CUEDC2: variants seen among roughly 807,000 people sequenced by gnomAD.
CUEDC2 encodes CUE domain containing 2.
Under a neutral mutation model 36.0 loss-of-function variants are expected in CUEDC2, and 10 were observed. The observed-to-expected ratio is 0.28, with a 90% confidence interval of 0.17 to 0.47. CUEDC2 has a LOEUF of 0.47. CUEDC2 is among the 20% of genes least tolerant of loss of function. CUEDC2 has a pLI of 0.99. For synonymous variants in CUEDC2, 133 were observed against 141.8 expected, an observed-to-expected ratio of 0.94 and a Z score of 0.44; for missense variants, 269 against 368.1, an observed-to-expected ratio of 0.73 and a Z score of 2.20.
chr10:102,424,179 C>T lies in CUEDC2; in HGVS notation c.412-1G>A. On this transcript the variant is annotated splice_acceptor_variant, in intron 5 of 8. Transcript: ENST00000369937. LOFTEE classifies it high-confidence loss of function. The surrounding 1 kb of genome is among the most constrained non-coding windows in gnomAD (Gnocchi z 4.2). Reference sequence around the variant, plus strand: ...GAAGCTCCTCCTCAGCGCCAGTTGCCTAAGGGTACAAACGTTAACAAGAGG... The same window carrying T: ...GAAGCTCCTCCTCAGCGCCAGTTGCTTAAGGGTACAAACGTTAACAAGAGG... 6.2e-7 allele frequency: 1 copy of T among 1,613,736 alleles called. No homozygotes were observed. Among genetic ancestry groups the T allele is most frequent in the African/African-American group, 1.3e-5 (1 of 75,018 alleles).
Position 102,424,868 on chromosome 10 carries a change from A to G in CUEDC2, c.75-76T>C. 6.7e-7 allele frequency: 1 copy of G among 1,497,208 alleles called. No homozygotes were observed. Among genetic ancestry groups the G allele is most frequent in the Non-Finnish European group, 9.1e-7 (1 of 1,096,446 alleles). 92.7% of individuals were successfully genotyped at this position (1,497,208 alleles called of 1,614,324 possible). ...GCACCCCCACCTATCCTGAGACTCCAGCCCTCAGCTTCATGGGGTCTATGA... is the reference window on the plus strand; with the variant it reads ...GCACCCCCACCTATCCTGAGACTCCGGCCCTCAGCTTCATGGGGTCTATGA... On this transcript the variant is annotated intron_variant, in intron 2 of 8. Coordinates refer to ENST00000369937, the MANE Select transcript of CUEDC2 (RefSeq NM_024040.3). The surrounding 1 kb of genome is among the most constrained non-coding windows in gnomAD (Gnocchi z 4.2).
Position 102,423,255 on chromosome 10 carries a change from G to T in CUEDC2, c.*171C>A. 1 of 881,010 alleles carries T rather than the reference G, an allele frequency of 1.1e-6. No homozygotes were observed. The highest frequency in any genetic ancestry group is 1.8e-6 in the Non-Finnish European group (1 of 569,948). The allele number at this position is 881,010 out of a possible 1,614,324, so 54.6% of individuals were successfully genotyped here. On this transcript the variant is annotated 3_prime_UTR_variant, in exon 9 of 9. Transcript: ENST00000369937. The surrounding 1 kb of genome is among the most constrained non-coding windows in gnomAD (Gnocchi z 5.6). ...ACCAGAATGCACTCACACCTTCCTTGGGCCACCTTTACTGTGCCCATGGAG... is the reference window on the plus strand; with the variant it reads ...ACCAGAATGCACTCACACCTTCCTTTGGCCACCTTTACTGTGCCCATGGAG...
intron 1 of CUEDC2, among the ~76,000 whole-genome samples, chr10:102,426,330 C>T (rs563016316): frequency 9.9e-5 from 15 of 152,252 alleles, no homozygotes; most frequent in African/African-American, 3.6e-4. Context: ...GGTCCAAATG[C>T]CAGCTCATCA....
chr10:102,424,880 C>T lies in CUEDC2; in HGVS notation c.75-88G>A. 3.5e-6 allele frequency: 5 copies of T among 1,411,116 alleles called. No individual in the cohort carries two copies. The highest frequency in any genetic ancestry group is 4.9e-6 in the Non-Finnish European group (5 of 1,024,740). The allele number at this position is 1,411,116 out of a possible 1,614,324, so 87.4% of individuals were successfully genotyped here. ...ATCCTGAGACTCCAGCCCTCAGCTT[C>T]ATGGGGTCTATGAGCTAGACCTTTA... is the stretch of plus-strand genomic sequence containing the variant. On this transcript the variant is annotated intron_variant, in intron 2 of 8. Coordinates refer to ENST00000369937, the MANE Select transcript of CUEDC2 (RefSeq NM_024040.3). The surrounding 1 kb of genome is among the most constrained non-coding windows in gnomAD (Gnocchi z 4.2).
At chr10:102,428,130 A>G (rs1057506609) in intron 1 of CUEDC2, among the ~76,000 whole-genome samples, 55 of 152,108 alleles carry the variant, frequency 3.6e-4, no homozygotes, top group African/African-American at 1.3e-3. Flanking sequence ...TAGTAGAGAC[A>G]GGGTTTCACC....
chr10:102,427,266 T>TGCA (rs1351365059), intron 1 of CUEDC2, among the ~76,000 whole-genome samples: 1 of 152,126 alleles, frequency 6.6e-6, no homozygotes, highest in Non-Finnish European at 1.5e-5. Flanking sequence ...TCCTTCTCAC[T>TGCA]GCAGCGCTCT....
chr10:102,429,984 G>C (rs1249740942), intron 1 of CUEDC2, among the ~76,000 whole-genome samples: 1 of 151,234 alleles, frequency 6.6e-6, no homozygotes, highest in African/African-American at 2.4e-5. Flanking sequence ...ATTTTTGGTA[G>C]AGACGGGGTT....
In CUEDC2 at chr10:102,423,922, G is replaced by A; in HGVS notation, c.595-63C>T. The A allele has an allele frequency of 6.2e-7, 1 of 1,601,438 alleles. No individual in the cohort carries two copies. Among genetic ancestry groups the A allele is most frequent in the Non-Finnish European group, 8.5e-7 (1 of 1,173,370 alleles). ...CCAGCAGGGGAAACAGATGGGGATAGGTAGGGGTTGGGGCTTAACACCAAG... is the reference window on the plus strand; with the variant it reads ...CCAGCAGGGGAAACAGATGGGGATAAGTAGGGGTTGGGGCTTAACACCAAG... On this transcript the variant is annotated intron_variant, in intron 6 of 8. Coordinates refer to ENST00000369937, the MANE Select transcript of CUEDC2 (RefSeq NM_024040.3). The surrounding 1 kb of genome is among the most constrained non-coding windows in gnomAD (Gnocchi z 5.6).
chr10:102,430,139 TTTTTTAATTTTA>T, intron 1 of CUEDC2, among the ~76,000 whole-genome samples: 1 of 106,602 alleles, frequency 9.4e-6, no homozygotes. Context: ...TTCTTTTTTT[TTTTTTAATTTTA>T]TTTATTTATT....
chr10:102,425,636 C>T (rs1024183090), intron 1 of CUEDC2, among the ~76,000 whole-genome samples: 2 of 151,922 alleles, frequency 1.3e-5, no homozygotes, highest in African/African-American at 4.8e-5. Flanking sequence ...ACAGCCCTTC[C>T]CCCACCCAGA....
intron 1 of CUEDC2, among the ~76,000 whole-genome samples, chr10:102,426,861 T>C (rs1464739467): frequency 6.6e-6 from 1 of 151,348 alleles, no homozygotes; most frequent in African/African-American, 2.4e-5. Flanking sequence ...GAGTCCAGGG[T>C]TCGAGACCCA....
At chr10:102,425,282 G>T in intron 1 of CUEDC2, 84 bp from the exon 2 acceptor site, 1 of 929,606 alleles carries the variant, frequency 1.1e-6, no homozygotes, top group Non-Finnish European at 1.7e-6. Context: ...CCTCCCTCCT[G>T]GCCTGCTATG....
Position 102,425,132 on chromosome 10 carries a change from G to A in CUEDC2, c.57C>T (p.Leu19=), listed in dbSNP as rs1448598112. 6.2e-7 allele frequency: 1 copy of A among 1,613,854 alleles called. No individual in the cohort carries two copies. The highest frequency in any genetic ancestry group is 1.1e-5 in the South Asian group (1 of 91,080). The change falls in exon 2 of 9, where the codon CTC becomes CTT. Residue 19 remains leucine, a synonymous_variant. Coordinates refer to ENST00000369937, the MANE Select transcript of CUEDC2 (RefSeq NM_024040.3). ...AALLAFVQTH[L]PEADLSGLDE... ...GTCTCTACCTGAGGTCGGCCTCCGG[G>A]AGGTGTGTCTGGACAAAGGCAAGGA...
chr10:102,427,198 C>T (rs1057028043), intron 1 of CUEDC2, among the ~76,000 whole-genome samples: 3 of 152,166 alleles, frequency 2.0e-5, no homozygotes, highest in Non-Finnish European at 2.9e-5. Flanking sequence ...GGCCCTTTCT[C>T]TGTCCCCTTC....
intron 1 of CUEDC2, among the ~76,000 whole-genome samples, chr10:102,430,360 G>T (rs1034485812): frequency 6.6e-6 from 1 of 151,112 alleles, no homozygotes; most frequent in African/African-American, 2.4e-5. Flanking sequence ...GTAGAGACAG[G>T]GTTTCTCCAT....
In CUEDC2 at chr10:102,423,574, T is replaced by G; in HGVS notation, c.718-2A>C. The G allele has an allele frequency of 6.2e-7, 1 of 1,614,188 alleles. No homozygotes were observed. The highest frequency in any genetic ancestry group is 8.5e-7 in the Non-Finnish European group (1 of 1,180,032). ...GTATCGGATCAGCTTCTTGGGGGCC[T>G]GTCAGGCAATCAGCAGTGAGTGGCA... On this transcript the variant is annotated splice_acceptor_variant, in intron 8 of 8. Transcript: ENST00000369937. LOFTEE classifies it high-confidence loss of function. The surrounding 1 kb of genome is among the most constrained non-coding windows in gnomAD (Gnocchi z 5.6).
chr10:102,432,554 G>A lies in CUEDC2; in HGVS notation c.-39C>T, dbSNP rs1462932871. On this transcript the variant is annotated 5_prime_UTR_variant, in exon 1 of 9. Transcript: ENST00000369937. ...CTCCGTCGGGCGCCGCCGGCGACTT[G>A]TCCCGCGCGGTGCAGCTCTCATCCC... 6.6e-6 allele frequency: 1 copy of A among 152,366 alleles called. No homozygotes were observed. Among genetic ancestry groups the A allele is most frequent in the Non-Finnish European group, 1.5e-5 (1 of 68,156 alleles). 9.4% of individuals were successfully genotyped at this position (152,366 alleles called of 1,614,324 possible).
intron 1 of CUEDC2, among the ~76,000 whole-genome samples, chr10:102,427,510 C>G (rs2061601530): frequency 6.6e-6 from 1 of 152,210 alleles, no homozygotes; most frequent in African/African-American, 2.4e-5. Context: ...AAATGCATGT[C>G]CAGGCACCCG....
In CUEDC2 at chr10:102,423,853, G is replaced by A. The variant is rs200977019; in HGVS notation, c.601C>T (p.Pro201Ser). 9 of 1,612,836 alleles carry A rather than the reference G, an allele frequency of 5.6e-6. No individual in the cohort carries two copies. The highest frequency in any genetic ancestry group is 1.1e-5 in the South Asian group (1 of 90,958). The change falls in exon 7 of 9, where the codon CCC becomes TCC. Residue 201 changes from proline to serine, a missense_variant. By Grantham distance (74) the Pro-to-Ser change is moderately conservative (BLOSUM62 -1). Transcript: ENST00000369937. This position sits in a 1 kb window ranked among gnomAD's most constrained non-coding sequence, Gnocchi z 5.6. ...AAWEGPNQDL[P>S]RRLRGPQKDE... ...TTTTGGGGGCCTCTGAGGCGTCTGG[G>A]CAGGTCCTGCAGAGAGGGGAGGCCT...
Sources: allele counts gnomAD v4.1 joint callset (sites outside exome capture counted in the v4.1 genomes callset), GRCh38; gene constraint gnomAD v4.1.1; non-coding constraint Gnocchi (gnomAD v3.1); transcripts MANE v1.5; gene names NCBI Gene and HGNC (gene_info 2026-07-23, HGNC 2026-07-21).